The following TNR variants were observed in gnomAD, a reference collection of about 807,000 sequenced individuals.
The protein encoded by TNR is tenascin-R.
A neutral mutation model predicts 150.4 loss-of-function variants in TNR; 45 were observed. The observed-to-expected ratio is 0.30, with a 90% confidence interval of 0.24 to 0.38. TNR has a LOEUF of 0.38. TNR is among the 10% of genes least tolerant of loss of function. The pLI is 1.00. For synonymous variants in TNR, 687 were observed against 678.4 expected, an observed-to-expected ratio of 1.01 and a Z score of -0.20; for missense variants, 1,544 against 1,759.1, an observed-to-expected ratio of 0.88 and a Z score of 2.19.
intron 1 of TNR, among the ~76,000 whole-genome samples, chr1:175,638,156 G>A (rs1177858771): frequency 6.6e-6 from 1 of 152,202 alleles, no homozygotes; most frequent in Non-Finnish European, 1.5e-5. Flanking sequence ...ACCTGATGCT[G>A]ATATGGTCTC....
At chr1:175,597,974 A>T (rs1663075977) in intron 1 of TNR, among the ~76,000 whole-genome samples, 1 of 152,354 alleles carries the variant, frequency 6.6e-6, no homozygotes, top group East Asian at 1.9e-4. Context: ...CCAGCTTCTC[A>T]AGAAGTTCAC....
At chr1:175,550,973 G>T (rs1401383270) in intron 1 of TNR, among the ~76,000 whole-genome samples, 2 of 152,092 alleles carry the variant, frequency 1.3e-5, no homozygotes, top group Non-Finnish European at 1.5e-5. Flanking sequence ...AGCACACAAA[G>T]ATAGAAAATA....
rs1369588264 is a variant in TNR at position 175,406,383 on chromosome 1, T to C, written c.332A>G (p.Gln111Arg). The change falls in exon 3 of 23, where the codon CAG (glutamine) becomes CGG (arginine). Residue 111 changes from glutamine (Q) to arginine (R), a missense_variant. Around this residue, in one of 2 missense-constraint regions of TNR, gnomAD observed 1,254 missense variants for 1,329.4 expected, o/e 0.94. Coordinates refer to ENST00000367674, the MANE Select transcript of TNR (RefSeq NM_003285.3). Reference sequence around the variant, plus strand: ...GTTGATCCTGTGTGTAAAGGTGACCTGGCTCTCGTGGTCTGAGGTCTGGCC... The same window carrying C: ...GTTGATCCTGTGTGTAAAGGTGACCCGGCTCTCGTGGTCTGAGGTCTGGCC... ...YMGQTSDHES[Q>R]VTFTHRINFP... is the part of the protein sequence containing the mutation. 2 of 1,614,180 alleles carry C rather than the reference T, an allele frequency of 1.2e-6. No homozygotes were observed. The highest frequency in any genetic ancestry group is 1.7e-6 in the Non-Finnish European group (2 of 1,180,046).
rs750144937 is a variant in TNR at position 175,391,272 on chromosome 1, G to A, written c.1507+16C>T. The A allele has an allele frequency of 1.9e-6, 3 of 1,612,744 alleles. No homozygotes were observed. The highest frequency in any genetic ancestry group is 2.2e-5 in the East Asian group (1 of 44,886). On this transcript the variant is annotated intron_variant, in intron 7 of 22. Transcript: ENST00000367674. ...CCTAGTAGGCAGCTCTAGGGAGAAG[G>A]GTTGGAGGCACTCACCTGTGGAGAC...
Position 175,330,176 on chromosome 1 carries a change from G to A in TNR, c.3691C>T (p.Arg1231Trp), listed in dbSNP as rs370443422. The A allele has an allele frequency of 3.7e-6, 6 of 1,613,276 alleles. No individual in the cohort carries two copies. The highest frequency in any genetic ancestry group is 1.6e-4 in the Middle Eastern group (1 of 6,084). Residue 1231 changes from arginine (R) to tryptophan (W), a missense_variant, in exon 21 of 23, where the codon CGG becomes TGG. Physicochemically the swap from Arg to Trp is moderately radical, Grantham distance 101. Transcript: ENST00000367674. ...GCGAAGGCGGCCTCTTGGCCATCCCGCATGTCCACGCGCAGCTCATAGCGG... is the reference window on the plus strand; with the variant it reads ...GCGAAGGCGGCCTCTTGGCCATCCCACATGTCCACGCGCAGCTCATAGCGG... ...QGRYELRVDM[R>W]DGQEAAFASY...
At chr1:175,643,664 TA>T (rs1349746219) in intron 1 of TNR, among the ~76,000 whole-genome samples, 1 of 152,224 alleles carries the variant, frequency 6.6e-6, no homozygotes, top group Admixed American at 6.5e-5. Flanking sequence ...AACTTTTAAT[TA>T]TTTTCCTTCC....
chr1:175,413,896 G>T (rs1216408123), intron 2 of TNR, among the ~76,000 whole-genome samples: 1 of 152,198 alleles, frequency 6.6e-6, no homozygotes, highest in Non-Finnish European at 1.5e-5. Flanking sequence ...ACTTTGAGAG[G>T]CCAAGGCAGG....
chr1:175,330,056 C>T lies in TNR; in HGVS notation c.3793+18G>A. 1 of 1,558,404 alleles carries T rather than the reference C, an allele frequency of 6.4e-7. No individual in the cohort carries two copies. Among genetic ancestry groups the T allele is most frequent in the Non-Finnish European group, 8.8e-7 (1 of 1,142,824 alleles). ...CCATGCCCACTGTCCTTGGGGTCTG[C>T]TCAGGAGCCATAGGTACCCGCAGTG... is the stretch of plus-strand genomic sequence containing the variant. On this transcript the variant is annotated intron_variant, in intron 21 of 22. Coordinates refer to ENST00000367674, the MANE Select transcript of TNR (RefSeq NM_003285.3).
chr1:175,662,716 C>T (rs1185888754), intron 1 of TNR, among the ~76,000 whole-genome samples: 1 of 152,202 alleles, frequency 6.6e-6, no homozygotes, highest in African/African-American at 2.4e-5. Context: ...ATTTCATTAA[C>T]TCTGCAAGAC....
intron 18 of TNR, among the ~76,000 whole-genome samples, chr1:175,350,665 CACA>C (rs1241521920): frequency 1.3e-5 from 2 of 152,188 alleles, no homozygotes; most frequent in African/African-American, 2.4e-5. Flanking sequence ...GTGGCAGAAA[CACA>C]ACAAGGGAAG....
At chr1:175,473,317 GCAT>G (rs1258612404) in intron 2 of TNR, among the ~76,000 whole-genome samples, 2 of 152,152 alleles carry the variant, frequency 1.3e-5, no homozygotes, top group Non-Finnish European at 2.9e-5. Context: ...CACATCAAAT[GCAT>G]GCACACACAT....
chr1:175,588,214 A>G (rs1032706282), intron 1 of TNR, among the ~76,000 whole-genome samples: 2 of 152,264 alleles, frequency 1.3e-5, no homozygotes, highest in Non-Finnish European at 1.5e-5. Flanking sequence ...GAATTCAAGC[A>G]TTGAATAAGC....
At chr1:175,728,580 T>C (rs7534898) in intron 1 of TNR, among the ~76,000 whole-genome samples, 44,047 of 152,106 alleles carry the variant, frequency 0.29, 6,537 homozygotes, top group African/African-American at 0.36. Context: ...CCATTAAAGC[T>C]TCCTTTGGTT....
intron 1 of TNR, among the ~76,000 whole-genome samples, chr1:175,555,139 C>A (rs1265620957): frequency 6.6e-6 from 1 of 152,144 alleles, no homozygotes; most frequent in Non-Finnish European, 1.5e-5. Context: ...AATGAGACAA[C>A]ATTAGAAGAG....
At chr1:175,361,638 GTA>G (rs1036864187) in intron 14 of TNR, among the ~76,000 whole-genome samples, 1 of 152,216 alleles carries the variant, frequency 6.6e-6, no homozygotes, top group African/African-American at 2.4e-5. Context: ...GAATTCTAAA[GTA>G]TATTTCCCTC....
chr1:175,590,387 G>T (rs1431903775), intron 1 of TNR, among the ~76,000 whole-genome samples: 3 of 151,736 alleles, frequency 2.0e-5, no homozygotes, highest in African/African-American at 4.8e-5. Flanking sequence ...TATTTTAACT[G>T]CTGAGTTTTG....
chr1:175,527,273 T>A (rs1231408624), intron 2 of TNR, among the ~76,000 whole-genome samples: 1 of 152,184 alleles, frequency 6.6e-6, no homozygotes, highest in East Asian at 1.9e-4. Context: ...CTCTTGTGAA[T>A]TGGAATGTTC....
chr1:175,475,413 AC>A (rs1321585520), intron 2 of TNR, among the ~76,000 whole-genome samples: 7 of 152,308 alleles, frequency 4.6e-5, no homozygotes, highest in Admixed American at 1.3e-4. Context: ...AGTGTGGTGG[AC>A]GTGCTGGCTT....
In TNR at chr1:175,403,378, C is replaced by T. The variant is rs767478260; in HGVS notation, c.738G>A (p.Val246=). 3 of 1,614,130 alleles carry T rather than the reference C, an allele frequency of 1.9e-6. No individual in the cohort carries two copies. Among genetic ancestry groups the T allele is most frequent in the Admixed American group, 1.7e-5 (1 of 60,016 alleles). Residue 246 remains valine (V), a synonymous_variant, in exon 4 of 23, where the codon GTG becomes GTA. Transcript: ENST00000367674. ...PTDCSSRGLC[V]DGECVCEEPY... is the part of the protein sequence containing the mutation. ...GCTCTTCACAGACACACTCCCCGTC[C>T]ACGCAGAGCCCCCGGGAGCTGCAGT...
Sources: allele counts gnomAD v4.1 joint callset (sites outside exome capture counted in the v4.1 genomes callset), GRCh38; gene constraint gnomAD v4.1.1; regional missense constraint gnomAD v4.1.1; transcripts MANE v1.5; gene names NCBI Gene and HGNC (gene_info 2026-07-23, HGNC 2026-07-21).